LIMD1: variants seen among roughly 807,000 people sequenced by gnomAD.
The protein encoded by LIMD1 is LIM domain-containing protein 1.
Under a neutral mutation model 58.4 loss-of-function variants are expected in LIMD1, and 23 were observed. The ratio of observed to expected loss-of-function variants is 0.39; its 90% CI spans 0.28 to 0.56. The LOEUF (loss-of-function observed/expected upper bound fraction) is 0.56, where lower values mean the gene tolerates loss of function less well. Among genes scored for constraint, LIMD1 ranks in the 20% least tolerant of loss-of-function variants. LIMD1 has a pLI of 0.57. For missense variants in LIMD1, 838 were observed against 855.5 expected (o/e 0.98, Z 0.25); for synonymous variants, 334 against 345.5 (o/e 0.97, Z 0.37).
intron 1 of LIMD1, among the ~76,000 whole-genome samples, chr3:45,627,987 G>T (rs144435319): frequency 0.027 from 3,784 of 141,922 alleles, 65 homozygotes; most frequent in Non-Finnish European, 0.043. Context: ...CAGCCTGGGT[G>T]ACAGAGTGAG....
At chr3:45,674,301 A>G (rs1435894851) in intron 6 of LIMD1, 42 bp from the exon 7 acceptor site, 2 of 1,564,834 alleles carry the variant, frequency 1.3e-6, no homozygotes, top group East Asian at 4.5e-5. Context: ...CAGCCCCCCT[A>G]ACAGGCCTCT....
chr3:45,607,917 G>A (rs534515423), intron 1 of LIMD1, among the ~76,000 whole-genome samples: 1 of 152,210 alleles, frequency 6.6e-6, no homozygotes, highest in Admixed American at 6.5e-5. Context: ...GTTTGCTCGC[G>A]TGATGGTTAG....
At chr3:45,672,918 G>A (rs1239353316) in intron 5 of LIMD1, 98 bp downstream of exon 5, 18 of 1,435,302 alleles carry the variant, frequency 1.3e-5, no homozygotes, top group East Asian at 4.6e-5. Flanking sequence ...TTTGCCAGCC[G>A]CCCTTAGATC....
At position 45,595,888 on chromosome 3, in the gene LIMD1, T is replaced by C. The variant is rs773183879; in HGVS notation, c.1009T>C (p.Phe337Leu). ...SKPNVDPQPW[F>L]QDGPKSYLSS... Reference sequence around the variant, plus strand: ...ACCCAATGTGGACCCCCAACCCTGGTTCCAGGATGGGCCCAAATCTTACCT... The same window carrying C: ...ACCCAATGTGGACCCCCAACCCTGGCTCCAGGATGGGCCCAAATCTTACCT... Residue 337 changes from phenylalanine (F) to leucine (L), a missense_variant, in exon 1 of 8, where the codon TTC becomes CTC. This residue lies in a region of LIMD1 where 659 missense variants were observed against 639.8 expected (regional missense o/e 1.03). Coordinates refer to ENST00000273317, the MANE Select transcript of LIMD1 (RefSeq NM_014240.3). 1 of 1,614,206 alleles carries C rather than the reference T, an allele frequency of 6.2e-7. No individual in the cohort carries two copies. Among genetic ancestry groups the C allele is most frequent in the Non-Finnish European group, 8.5e-7 (1 of 1,180,024 alleles).
At chr3:45,604,384 T>A (rs370096726) in intron 1 of LIMD1, among the ~76,000 whole-genome samples, 1 of 152,012 alleles carries the variant, frequency 6.6e-6, no homozygotes, top group South Asian at 2.1e-4. Flanking sequence ...CTCTTCAGAG[T>A]TTTCCAGGGG....
At chr3:45,673,560 C>T (rs950417784) in intron 6 of LIMD1, 55 bp downstream of exon 6, 12 of 1,349,552 alleles carry the variant, frequency 8.9e-6, no homozygotes, top group Admixed American at 1.7e-5. Context: ...GAATATCTCC[C>T]TGGGCTCATT....
chr3:45,618,497 T>C (rs1324794749), intron 1 of LIMD1, among the ~76,000 whole-genome samples: 1 of 151,870 alleles, frequency 6.6e-6, no homozygotes, highest in Non-Finnish European at 1.5e-5. Context: ...CTCAGGAGGT[T>C]TTGTGAAGTG....
At position 45,594,982 on chromosome 3, in the gene LIMD1, G is replaced by GCAGGCAACA; in HGVS notation, c.104_112dup (p.Asn37_Asn38insThrGlyAsn). 6.2e-7 allele frequency: 1 copy of GCAGGCAACA among 1,614,028 alleles called. No homozygotes were observed. The highest frequency in any genetic ancestry group is 8.5e-7 in the Non-Finnish European group (1 of 1,180,040). ...TGGGCTCTTCCGAGTGGACAAGGGT[G>GCAGGCAACA]CAGGCAACAACCCCGAGTTTGAGGA... On this transcript the variant is annotated inframe_insertion, in exon 1 of 8. Transcript: ENST00000273317.
chr3:45,595,524 C>T lies in LIMD1; in HGVS notation c.645C>T (p.Asp215=), dbSNP rs753707572. The T allele has an allele frequency of 6.2e-7, 1 of 1,614,008 alleles. No individual in the cohort carries two copies. Among genetic ancestry groups the T allele is most frequent in the South Asian group, 1.1e-5 (1 of 91,058 alleles). The change falls in exon 1 of 8, where the codon GAC becomes GAT. Residue 215 remains aspartate, a synonymous_variant. Coordinates refer to ENST00000273317, the MANE Select transcript of LIMD1 (RefSeq NM_014240.3). The part of the protein sequence containing the change: ...GSGWPSSPGS[D]PPLPKPCGDH... ...GGTGGCCTAGCTCCCCGGGGAGTGA[C>T]CCACCACTGCCCAAACCCTGCGGGG... is the stretch of plus-strand genomic sequence containing the variant.
chr3:45,676,805 T>G lies in LIMD1; in HGVS notation c.1894-117T>G, dbSNP rs1697678309. On this transcript the variant is annotated intron_variant, in intron 7 of 7. Transcript: ENST00000273317. ...AGGAGCTGTGTTTCTGCACTGGCAT[T>G]TCCTGCCTATACAGAAACACACAGC... 4 of 990,670 alleles carry G rather than the reference T, an allele frequency of 4.0e-6. No homozygotes were observed. In the South Asian group the frequency reaches 4.3e-5, roughly 11 times the overall value. 61.4% of individuals were successfully genotyped at this position (990,670 alleles called of 1,614,324 possible). A position where few individuals can be genotyped will look rare whatever the true frequency, so the allele number is the denominator to read the frequency against.
intron 1 of LIMD1, among the ~76,000 whole-genome samples, chr3:45,609,149 G>A (rs1701498674): frequency 1.3e-5 from 2 of 152,216 alleles, no homozygotes; most frequent in South Asian, 4.1e-4. Flanking sequence ...TTGATTACCT[G>A]TTAGAGTTTT....
intron 3 of LIMD1, 147 bp from the exon 4 acceptor site, chr3:45,668,147 C>G (rs1327397314): frequency 1.6e-6 from 1 of 632,314 alleles, no homozygotes; most frequent in Admixed American, 2.3e-5. Flanking sequence ...ACTCAGCCCA[C>G]AGCTGTGTTG....
chr3:45,664,384 A>G (rs552163067), intron 2 of LIMD1, among the ~76,000 whole-genome samples: 1 of 152,230 alleles, frequency 6.6e-6, no homozygotes, highest in Non-Finnish European at 1.5e-5. Flanking sequence ...TTAACTCAAC[A>G]TGTACTGCAC....
At position 45,602,753 on chromosome 3, in the gene LIMD1, C is replaced by T. The variant is rs114683464; in HGVS notation, c.1408+6466C>T. On this transcript the variant is annotated intron_variant, in intron 1 of 7. Coordinates refer to ENST00000273317, the MANE Select transcript of LIMD1 (RefSeq NM_014240.3). ...TGTCCTATTTGCATGACTACAGATG[C>T]CCTATCTGCATGTCTACATGACTAC... 5.5e-3 allele frequency among the ~76,000 whole-genome samples: 834 copies of T among 152,222 alleles called. 12 individuals carry two copies. The highest frequency in any genetic ancestry group is 0.019 in the African/African-American group (796 of 41,524).
chr3:45,677,125 G>T lies in LIMD1; in HGVS notation c.*66G>T. The T allele has an allele frequency of 6.4e-7, 1 of 1,573,138 alleles. No homozygotes were observed. Among genetic ancestry groups the T allele is most frequent in the Non-Finnish European group, 8.6e-7 (1 of 1,156,188 alleles). ...CGGGGTTGCTGCTGCTGCTTCCGGTGGCCCCTGGGGTGGAAGTGGGGTAGG... is the reference window on the plus strand; with the variant it reads ...CGGGGTTGCTGCTGCTGCTTCCGGTTGCCCCTGGGGTGGAAGTGGGGTAGG... On this transcript the variant is annotated 3_prime_UTR_variant, in exon 8 of 8. Transcript: ENST00000273317.
chr3:45,647,897 C>G (rs1278546113), intron 2 of LIMD1, among the ~76,000 whole-genome samples: 1 of 151,432 alleles, frequency 6.6e-6, no homozygotes. Context: ...TTTTCTACCC[C>G]TGTACCTTGT....
In LIMD1 at chr3:45,677,212, C is replaced by A; in HGVS notation, c.*153C>A. 2 of 772,630 alleles carry A rather than the reference C, an allele frequency of 2.6e-6. No individual in the cohort carries two copies. The highest frequency in any genetic ancestry group is 3.6e-5 in the South Asian group (2 of 56,202). 47.9% of individuals were successfully genotyped at this position (772,630 alleles called of 1,614,324 possible). ...ATGTGGGGGGTGCCTTTCCTTTAACCAGGGAGGTGAACACTACCTGCCTCC... is the reference window on the plus strand; with the variant it reads ...ATGTGGGGGGTGCCTTTCCTTTAACAAGGGAGGTGAACACTACCTGCCTCC... On this transcript the variant is annotated 3_prime_UTR_variant, in exon 8 of 8. Coordinates refer to ENST00000273317, the MANE Select transcript of LIMD1 (RefSeq NM_014240.3).
At chr3:45,627,416 G>A (rs958687267) in intron 1 of LIMD1, among the ~76,000 whole-genome samples, 4 of 152,172 alleles carry the variant, frequency 2.6e-5, no homozygotes, top group Admixed American at 2.6e-4. Flanking sequence ...ATAAAGTGAT[G>A]ATGTTTTATA....
chr3:45,622,929 A>G (rs1205687998), intron 1 of LIMD1, among the ~76,000 whole-genome samples: 3 of 152,112 alleles, frequency 2.0e-5, no homozygotes, highest in Admixed American at 1.3e-4. Flanking sequence ...TGGCCTCCCA[A>G]AGTGCTGTGA....
Sources: allele counts gnomAD v4.1 joint callset (sites outside exome capture counted in the v4.1 genomes callset), GRCh38; gene constraint gnomAD v4.1.1; regional missense constraint gnomAD v4.1.1; transcripts MANE v1.5; gene names NCBI Gene and HGNC (gene_info 2026-07-23, HGNC 2026-07-21).